Variants in ANKRD44 observed in about 807,000 individuals in gnomAD.
The protein encoded by ANKRD44 is ankyrin repeat domain 44.
A neutral mutation model predicts 116.0 loss-of-function variants in ANKRD44; 35 were observed. The ratio of observed to expected loss-of-function variants is 0.30; its 90% confidence interval spans 0.23 to 0.40. The LOEUF (loss-of-function observed/expected upper bound fraction) is 0.40. Among genes scored for constraint, ANKRD44 ranks in the 10% least tolerant of loss-of-function variants. ANKRD44 has a pLI of 1.00. For synonymous variants in ANKRD44, 435 were observed against 461.8 expected, an observed-to-expected ratio of 0.94 and a Z score of 0.74; for missense variants, 1,014 against 1,242.6, an observed-to-expected ratio of 0.82 and a Z score of 2.77.
intron 1 of ANKRD44, among the ~76,000 whole-genome samples, chr2:197,294,965 C>T (rs2083675565): frequency 6.6e-6 from 1 of 152,108 alleles, no homozygotes; most frequent in Non-Finnish European, 1.5e-5. Context: ...TTTAAAAATC[C>T]TATAGAAAAG....
At chr2:197,120,611 A>G (rs1328322209) in intron 8 of ANKRD44, among the ~76,000 whole-genome samples, 1 of 152,074 alleles carries the variant, frequency 6.6e-6, no homozygotes, top group African/African-American at 2.4e-5. Flanking sequence ...AGATCACGCC[A>G]TTGCATTCCA....
chr2:197,036,567 ATT>A (rs2076811805), intron 16 of ANKRD44, among the ~76,000 whole-genome samples: 1 of 152,148 alleles, frequency 6.6e-6, no homozygotes, highest in East Asian at 1.9e-4. Flanking sequence ...AATAACACAA[ATT>A]AAGGAGGGTG....
At chr2:197,190,999 G>A (rs890314536) in intron 1 of ANKRD44, among the ~76,000 whole-genome samples, 5 of 152,120 alleles carry the variant, frequency 3.3e-5, no homozygotes, top group African/African-American at 7.2e-5. Context: ...AAAACAAATA[G>A]TGGTAGGAAA....
intron 16 of ANKRD44, among the ~76,000 whole-genome samples, chr2:197,044,424 C>T (rs965705385): frequency 1.3e-5 from 2 of 152,000 alleles, no homozygotes; most frequent in South Asian, 2.1e-4. Context: ...TGGAGTACAG[C>T]GGCGCGATCT....
chr2:196,990,846 A>G, intron 27 of ANKRD44: 1 of 1,232,518 alleles, frequency 8.1e-7, no homozygotes, highest in Non-Finnish European at 1.0e-6. Flanking sequence ...GGAAGGAGAA[A>G]AAGGCATCAT....
At chr2:197,045,885 T>C (rs1291726594) in intron 16 of ANKRD44, among the ~76,000 whole-genome samples, 1 of 152,180 alleles carries the variant, frequency 6.6e-6, no homozygotes, top group East Asian at 1.9e-4. Context: ...AATTGTAAAC[T>C]GTCTTTAAAA....
chr2:197,126,881 C>T (rs567584787), intron 4 of ANKRD44, among the ~76,000 whole-genome samples: 32 of 151,922 alleles, frequency 2.1e-4, no homozygotes, highest in African/African-American at 6.0e-4. Flanking sequence ...GCTACTCAGG[C>T]GGCTGAAGTG....
intron 1 of ANKRD44, among the ~76,000 whole-genome samples, chr2:197,229,487 A>T (rs1321878384): frequency 6.6e-6 from 1 of 152,228 alleles, no homozygotes. Flanking sequence ...CTTTAAAAGC[A>T]CAGGGGAAGA....
chr2:197,020,096 G>A lies in ANKRD44; in HGVS notation c.1722+5100C>T, dbSNP rs75003724. ...CTCCCAAAGTGCTGAGATTACAGGC[G>A]TGAGCCACCACATCCGGCCACACAA... On this transcript the variant is annotated intron_variant, in intron 17 of 27. Transcript: ENST00000282272. 2.4e-4 allele frequency among the ~76,000 whole-genome samples: 36 copies of A among 152,268 alleles called. No homozygotes were observed. The East Asian group carries it at 5.4e-3, about 23-fold the overall frequency.
chr2:197,136,483 A>T (rs956511304), intron 4 of ANKRD44, 109 bp downstream of exon 4: 1 of 1,000,478 alleles, frequency 1.0e-6, no homozygotes, highest in Non-Finnish European at 1.6e-6. Flanking sequence ...ACCCTCTTAC[A>T]TTAGAGGTAA....
chr2:197,005,986 G>A, intron 20 of ANKRD44, 76 bp from the exon 21 acceptor site: 1 of 1,399,074 alleles, frequency 7.1e-7, no homozygotes, highest in Non-Finnish European at 1.0e-6. Context: ...AAGTGAGGCT[G>A]GGCTTAGAGC....
At chr2:196,977,486 T>A (rs1305579521) in intron 21 of ANKRD44, among the ~76,000 whole-genome samples, 1 of 152,202 alleles carries the variant, frequency 6.6e-6, no homozygotes. Context: ...ATATAAATAA[T>A]GCTTATAATT....
rs2075868711 is a variant in ANKRD44, at chr2:196,988,782, T to G, written c.*809A>C. ...AGAAAATAGCACTTGAGCTGGTGAT[T>G]TTTATTTCTCCTTTTGGCACATGTG... is the stretch of plus-strand genomic sequence containing the variant. On this transcript the variant is annotated 3_prime_UTR_variant, in exon 28 of 28. Transcript: ENST00000282272. 1.0e-6 allele frequency: 1 copy of G among 985,322 alleles called. No individual in the cohort carries two copies. The highest frequency in any genetic ancestry group is 6.2e-5 in the Admixed American group (1 of 16,256). 61.0% of individuals were successfully genotyped at this position (985,322 alleles called of 1,614,324 possible).
chr2:197,205,018 T>C (rs2081175408), intron 1 of ANKRD44, among the ~76,000 whole-genome samples: 1 of 152,228 alleles, frequency 6.6e-6, no homozygotes, highest in African/African-American at 2.4e-5. Flanking sequence ...ATCCCTGATG[T>C]GCTCCAGCAA....
chr2:197,240,182 C>T (rs1042722176), intron 1 of ANKRD44, among the ~76,000 whole-genome samples: 10 of 152,048 alleles, frequency 6.6e-5, no homozygotes, highest in African/African-American at 2.4e-4. Flanking sequence ...GGAGAGCAGC[C>T]TAGCCAACAC....
At chr2:197,237,210 CTA>C (rs2081997679) in intron 1 of ANKRD44, among the ~76,000 whole-genome samples, 1 of 152,056 alleles carries the variant, frequency 6.6e-6, no homozygotes, top group African/African-American at 2.4e-5. Context: ...TGTTTCAGTA[CTA>C]GTTACTATAA....
chr2:197,034,772 T>C (rs927200578), intron 16 of ANKRD44, among the ~76,000 whole-genome samples: 13 of 151,904 alleles, frequency 8.6e-5, no homozygotes, highest in Non-Finnish European at 7.4e-5. Context: ...GATTTGAGGT[T>C]GAAATATCAA....
At chr2:197,225,766 T>G (rs186806167) in intron 1 of ANKRD44, among the ~76,000 whole-genome samples, 2 of 152,342 alleles carry the variant, frequency 1.3e-5, no homozygotes, top group Admixed American at 1.3e-4. Context: ...TAATTTGGCA[T>G]TCAACAAAAT....
intron 21 of ANKRD44, chr2:196,967,485 T>G (rs1343957440): frequency 2.2e-6 from 1 of 452,940 alleles, no homozygotes; most frequent in Admixed American, 2.4e-5. Context: ...AAAGAAAAAG[T>G]GTGCAATTAT....
Sources: allele counts gnomAD v4.1 joint callset (sites outside exome capture counted in the v4.1 genomes callset), GRCh38; gene constraint gnomAD v4.1.1; transcripts MANE v1.5; gene names NCBI Gene and HGNC (gene_info 2026-07-23, HGNC 2026-07-21).